Variants in PAX5 observed in about 807,000 individuals in gnomAD.
PAX5 encodes the protein paired box protein Pax-5.
A neutral mutation model predicts 43.7 loss-of-function variants in PAX5; 9 were observed. The observed-to-expected ratio is 0.21, with a 90% CI of 0.12 to 0.36. PAX5 has a LOEUF of 0.36. Ranked by LOEUF, PAX5 falls within the 10% of genes least tolerant of loss-of-function variation. The pLI, the probability that PAX5 is intolerant of heterozygous loss-of-function variation, is 1.00. For missense variants in PAX5, 383 were observed against 532.7 expected (o/e 0.72, Z 2.77); for synonymous variants, 228 against 214.3 (o/e 1.06, Z -0.56).
At chr9:36,965,223 C>T (rs989915837) in intron 6 of PAX5, among the ~76,000 whole-genome samples, 1 of 152,116 alleles carries the variant, frequency 6.6e-6, no homozygotes, top group Admixed American at 6.5e-5. Flanking sequence ...AACCCATGAC[C>T]CTTTAGGTAA....
At chr9:36,868,713 C>G (rs1825140870) in intron 8 of PAX5, among the ~76,000 whole-genome samples, 1 of 152,158 alleles carries the variant, frequency 6.6e-6, no homozygotes, top group Admixed American at 6.5e-5. Context: ...TCAATTTCCT[C>G]TCAGTCTCCA....
chr9:36,926,436 C>A (rs919529758), intron 6 of PAX5, among the ~76,000 whole-genome samples: 3 of 152,192 alleles, frequency 2.0e-5, no homozygotes, highest in African/African-American at 7.2e-5. Flanking sequence ...TTACAGCCAG[C>A]AAAGTTTGGA....
At chr9:37,009,565 T>C (rs534841309) in intron 3 of PAX5, among the ~76,000 whole-genome samples, 1 of 152,256 alleles carries the variant, frequency 6.6e-6, no homozygotes, top group Non-Finnish European at 1.5e-5. Flanking sequence ...GGAGTAAAGA[T>C]GCTCAATGGG....
intron 7 of PAX5, among the ~76,000 whole-genome samples, chr9:36,883,027 A>C (rs1826584265): frequency 6.6e-6 from 1 of 152,232 alleles, no homozygotes; most frequent in Non-Finnish European, 1.5e-5. Context: ...GCATTAGCCC[A>C]GTAGGAGGCT....
chr9:36,942,959 C>T (rs1015529573), intron 6 of PAX5, among the ~76,000 whole-genome samples: 6 of 152,202 alleles, frequency 3.9e-5, no homozygotes, highest in Non-Finnish European at 5.9e-5. Flanking sequence ...AACCATGGAG[C>T]GTAACACCCG....
chr9:36,944,994 C>G (rs113252859), intron 6 of PAX5, among the ~76,000 whole-genome samples: 9 of 152,304 alleles, frequency 5.9e-5, no homozygotes, highest in Non-Finnish European at 7.3e-5. Context: ...CCTGAAGCCA[C>G]GCAGAGTGAG....
chr9:36,918,292 TA>T (rs1357565656), intron 7 of PAX5, among the ~76,000 whole-genome samples: 1 of 152,338 alleles, frequency 6.6e-6, no homozygotes, highest in East Asian at 1.9e-4. Flanking sequence ...TGAAGGAAAT[TA>T]AAAGTGCCAT....
At chr9:36,928,244 C>T (rs1303669997) in intron 6 of PAX5, among the ~76,000 whole-genome samples, 1 of 152,194 alleles carries the variant, frequency 6.6e-6, no homozygotes, top group Non-Finnish European at 1.5e-5. Flanking sequence ...TGGAACATTG[C>T]TACACCACAG....
chr9:36,838,775 G>A lies in PAX5; in HGVS notation c.*1785C>T, dbSNP rs895229007. 1 of 233,308 alleles carries A rather than the reference G, an allele frequency of 4.3e-6. No homozygotes were observed. The highest frequency in any genetic ancestry group is 8.5e-6 in the Non-Finnish European group (1 of 118,162). The allele number at this position is 233,308 out of a possible 1,614,324, so 14.5% of individuals were successfully genotyped here. ...GGCTCCCTGGAGAGAGGAGGGGAAGGAAAGAGCTGTGGGGTGGCCCTACAG... is the reference window on the plus strand; with the variant it reads ...GGCTCCCTGGAGAGAGGAGGGGAAGAAAAGAGCTGTGGGGTGGCCCTACAG... On this transcript the variant is annotated 3_prime_UTR_variant, in exon 10 of 10. Coordinates refer to ENST00000358127, the MANE Select transcript of PAX5 (RefSeq NM_016734.3).
At chr9:37,031,950 A>G (rs1334165627) in intron 1 of PAX5, among the ~76,000 whole-genome samples, 1 of 152,246 alleles carries the variant, frequency 6.6e-6, no homozygotes, top group Non-Finnish European at 1.5e-5. Flanking sequence ...CCAGACCTGG[A>G]CAACCCTTTG....
chr9:36,982,049 G>A (rs560728968), intron 5 of PAX5, among the ~76,000 whole-genome samples: 15 of 152,342 alleles, frequency 9.8e-5, no homozygotes, highest in African/African-American at 3.6e-4. Context: ...TGGATCACCT[G>A]AGGTCAGGAG....
chr9:36,967,504 C>T (rs1437751201), intron 5 of PAX5, among the ~76,000 whole-genome samples: 2 of 152,152 alleles, frequency 1.3e-5, no homozygotes, highest in Non-Finnish European at 2.9e-5. Flanking sequence ...TGTGCAGCAG[C>T]TGAAAAGGAA....
chr9:36,972,295 G>A (rs1298474233), intron 5 of PAX5, among the ~76,000 whole-genome samples: 1 of 152,182 alleles, frequency 6.6e-6, no homozygotes, highest in Non-Finnish European at 1.5e-5. Flanking sequence ...GGCCCAGTGG[G>A]AAAAGGGTTG....
At chr9:36,894,222 T>C (rs1827661786) in intron 7 of PAX5, among the ~76,000 whole-genome samples, 2 of 152,180 alleles carry the variant, frequency 1.3e-5, no homozygotes, top group African/African-American at 4.8e-5. Context: ...CATGTTCTCC[T>C]GCCCAGGGCT....
intron 6 of PAX5, among the ~76,000 whole-genome samples, chr9:36,942,682 C>T (rs755039672): frequency 1.3e-5 from 2 of 152,228 alleles, no homozygotes; most frequent in Admixed American, 6.5e-5. Context: ...TTTGCAGATG[C>T]AGAAACTGAG....
intron 5 of PAX5, among the ~76,000 whole-genome samples, chr9:36,986,207 G>C (rs1301709458): frequency 6.6e-6 from 1 of 151,466 alleles, no homozygotes; most frequent in Non-Finnish European, 1.5e-5. Context: ...AAACTCAATT[G>C]TTCTCAGCGG....
At chr9:36,988,755 T>A (rs1836687843) in intron 5 of PAX5, among the ~76,000 whole-genome samples, 1 of 151,526 alleles carries the variant, frequency 6.6e-6, no homozygotes, top group African/African-American at 2.4e-5. Flanking sequence ...TTTTGAGGAA[T>A]CTAGATTCAG....
chr9:36,937,329 AC>A (rs1168988806), intron 6 of PAX5, among the ~76,000 whole-genome samples: 2 of 151,908 alleles, frequency 1.3e-5, no homozygotes, highest in African/African-American at 4.8e-5. Flanking sequence ...TGTCCAGTTC[AC>A]CCCCCAGCAG....
chr9:36,834,417 AGTGTGT>A lies in PAX5; in HGVS notation c.*6137_*6142del, dbSNP rs56175234. On this transcript the variant is annotated 3_prime_UTR_variant, in exon 10 of 10. Transcript: ENST00000358127. ...TGTCTGAGGTGTAGGGGAGTGAGTG[AGTGTGT>A]GTGTGTGTGTGTGTGTGTGTGTGTG... is the stretch of plus-strand genomic sequence containing the variant. 10,847 of 224,014 alleles carry A rather than the reference AGTGTGT, an allele frequency of 0.048. 345 individuals carry two copies. The highest frequency in any genetic ancestry group is 0.12 in the South Asian group (608 of 5,146). 13.9% of individuals were successfully genotyped at this position (224,014 alleles called of 1,614,324 possible).
Sources: gnomAD v4.1 joint callset for allele counts (sites outside exome capture counted in the v4.1 genomes callset) on GRCh38, gnomAD v4.1.1 for gene constraint, MANE v1.5 for transcripts, NCBI Gene and HGNC (gene_info 2026-07-23, HGNC 2026-07-21) for gene names.